Variants in TTC39A observed in about 807,000 individuals in gnomAD.
TTC39A encodes the protein tetratricopeptide repeat domain 39A.
A neutral mutation model predicts 82.3 loss-of-function variants in TTC39A; 46 were observed. That is an observed-to-expected ratio of 0.56 (90% CI 0.44 to 0.71). The LOEUF is 0.71. Ranked by LOEUF, TTC39A falls within the 30% of genes least tolerant of loss-of-function variation. TTC39A has a pLI of 0.00. For synonymous variants in TTC39A, 254 were observed against 275.2 expected, an observed-to-expected ratio of 0.92 and a Z score of 0.76; for missense variants, 543 against 712.9, an observed-to-expected ratio of 0.76 and a Z score of 2.71.
chr1:51,315,825 C>A (rs944920231), intron 2 of TTC39A, among the ~76,000 whole-genome samples: 4 of 152,196 alleles, frequency 2.6e-5, no homozygotes, highest in African/African-American at 9.6e-5. Context: ...CCTTCTCATC[C>A]AGTCCATCTC....
At chr1:51,303,062 C>G in intron 9 of TTC39A, 22 bp downstream of exon 9, 2 of 1,564,346 alleles carry the variant, frequency 1.3e-6, no homozygotes, top group Non-Finnish European at 1.7e-6. Flanking sequence ...CCCCAGGGCC[C>G]CAGGTCCCCC....
upstream of TTC39A, chr1:51,330,830 G>C: frequency 4.3e-6 from 2 of 462,278 alleles, no homozygotes; most frequent in South Asian, 2.6e-5. This position sits in a 1 kb window ranked among gnomAD's most constrained non-coding sequence, Gnocchi z 4.5. Flanking sequence ...GTTCTTCTCC[G>C]GGACCTGAGG....
intron 4 of TTC39A, among the ~76,000 whole-genome samples, chr1:51,311,689 C>G (rs1158453245): frequency 6.6e-6 from 1 of 152,206 alleles, no homozygotes; most frequent in African/African-American, 2.4e-5. Context: ...GCACAAAGAC[C>G]TAGATGGACC....
chr1:51,294,322 C>T lies in TTC39A; in HGVS notation c.1266+69G>A. On this transcript the variant is annotated intron_variant, in intron 14 of 17. Coordinates refer to ENST00000680483, the MANE Select transcript of TTC39A (RefSeq NM_001297663.2). This position sits in a 1 kb window ranked among gnomAD's most constrained non-coding sequence, Gnocchi z 4.3. Reference sequence around the variant, plus strand: ...TTTCTCCTCATCCACCTCCCCCTGGCTGTGGCTCTCAGTGAATCCCCACAA... The same window carrying T: ...TTTCTCCTCATCCACCTCCCCCTGGTTGTGGCTCTCAGTGAATCCCCACAA... The T allele has an allele frequency of 2.5e-6, 4 of 1,604,158 alleles. No homozygotes were observed. Among genetic ancestry groups the T allele is most frequent in the Non-Finnish European group, 3.4e-6 (4 of 1,173,102 alleles).
At chr1:51,303,230 G>A in intron 8 of TTC39A, 38 bp from the exon 9 acceptor site, 2 of 1,522,338 alleles carry the variant, frequency 1.3e-6, no homozygotes, top group South Asian at 1.2e-5. Flanking sequence ...TCCCAGAGAG[G>A]GCAGGGGCCT....
At chr1:51,300,278 GT>G (rs928516782) in intron 12 of TTC39A, 2 of 152,348 alleles carry the variant, frequency 1.3e-5, no homozygotes, top group African/African-American at 4.8e-5. Flanking sequence ...TGAGAGCTCA[GT>G]AGAAGCCTGC....
At chr1:51,297,151 G>A (rs968742797) in intron 12 of TTC39A, 2 of 152,072 alleles carry the variant, frequency 1.3e-5, no homozygotes, top group Non-Finnish European at 2.9e-5. Context: ...CAACATGAGG[G>A]AAAGCTGGTC....
At chr1:51,306,877 G>C (rs547205843) in intron 6 of TTC39A, among the ~76,000 whole-genome samples, 1 of 56,930 alleles carries the variant, frequency 1.8e-5, no homozygotes, top group Admixed American at 2.4e-4. Flanking sequence ...CCCCCCGATT[G>C]AGTCACTATG....
chr1:51,322,186 G>C, intron 1 of TTC39A: 15 of 1,516,148 alleles, frequency 9.9e-6, no homozygotes, highest in Non-Finnish European at 1.3e-5. Flanking sequence ...CCCCCAGGGG[G>C]TGCAGCCCAG....
chr1:51,341,868 C>T (rs1377013303), intron 1 of TTC39A, among the ~76,000 whole-genome samples: 1 of 152,206 alleles, frequency 6.6e-6, no homozygotes, highest in East Asian at 1.9e-4. Flanking sequence ...CCCAAGGATT[C>T]CTGCCACCAA....
At chr1:51,302,843 C>T (rs549759188) in intron 9 of TTC39A, among the ~76,000 whole-genome samples, 1 of 152,336 alleles carries the variant, frequency 6.6e-6, no homozygotes, top group East Asian at 1.9e-4. Flanking sequence ...TTCACACCCT[C>T]TACAGGGTGG....
In TTC39A at chr1:51,289,989, C is replaced by G; in HGVS notation, c.1493+16G>C. On this transcript the variant is annotated intron_variant, in intron 16 of 17. Transcript: ENST00000680483. The stretch of plus-strand genomic sequence containing the variant: ...GGAGACTCAGACCCAGAAGGAGCAG[C>G]TGCAGAGGCACTTACTTGGCAGAGA... 3 of 1,605,946 alleles carry G rather than the reference C, an allele frequency of 1.9e-6. No homozygotes were observed. Among genetic ancestry groups the G allele is most frequent in the Non-Finnish European group, 2.6e-6 (3 of 1,174,870 alleles).
At chr1:51,336,455 G>C (rs1325592996) in intron 1 of TTC39A, among the ~76,000 whole-genome samples, 5 of 152,080 alleles carry the variant, frequency 3.3e-5, no homozygotes, top group Non-Finnish European at 5.9e-5. Context: ...TAGGATCTGG[G>C]CTCTTCTACC....
At position 51,294,079 on chromosome 1, in the gene TTC39A, G is replaced by A. The variant is rs955064097; in HGVS notation, c.1266+312C>T. Among the ~76,000 whole-genome samples, 1 of 152,216 alleles carries A rather than the reference G, an allele frequency of 6.6e-6. No individual in the cohort carries two copies. Among genetic ancestry groups the A allele is most frequent in the African/African-American group, 2.4e-5 (1 of 41,464 alleles). ...TTATAATCATTGTGACAAGACTGGA[G>A]CAGACAGGCTGGGATCACTGGCAGC... On this transcript the variant is annotated intron_variant, in intron 14 of 17. Coordinates refer to ENST00000680483, the MANE Select transcript of TTC39A (RefSeq NM_001297663.2). The surrounding 1 kb of genome is among the most constrained non-coding windows in gnomAD (Gnocchi z 4.3).
intron 8 of TTC39A, 83 bp downstream of exon 8, chr1:51,304,998 G>T: frequency 6.8e-7 from 1 of 1,474,074 alleles, no homozygotes; most frequent in Non-Finnish European, 9.5e-7. Flanking sequence ...CCTAGGCCCT[G>T]TGGCCTGTCA....
chr1:51,325,884 T>C (rs1273974273), intron 1 of TTC39A: 1 of 152,262 alleles, frequency 6.6e-6, no homozygotes, highest in East Asian at 1.9e-4. Flanking sequence ...GGACAGTCAG[T>C]GCAGACAGGC....
intron 1 of TTC39A, among the ~76,000 whole-genome samples, chr1:51,340,405 C>T (rs1336764496): frequency 6.6e-6 from 1 of 152,160 alleles, no homozygotes; most frequent in Non-Finnish European, 1.5e-5. Context: ...AGCAGGGGGA[C>T]TCAGAGGAAT....
chr1:51,334,367 G>T (rs1157632076), upstream of TTC39A, among the ~76,000 whole-genome samples: 6 of 152,246 alleles, frequency 3.9e-5, no homozygotes, highest in Middle Eastern at 3.4e-3. Context: ...GCCAGGTGTG[G>T]TGGTGCATGC....
intron 11 of TTC39A, 189 bp downstream of exon 11, chr1:51,302,168 C>T (rs1341713921): frequency 2.6e-6 from 2 of 776,586 alleles, no homozygotes; most frequent in African/African-American, 1.7e-5. Flanking sequence ...ATGCCTCCTC[C>T]TCCCTTGTCT....
Sources: allele counts gnomAD v4.1 joint callset (sites outside exome capture counted in the v4.1 genomes callset), GRCh38; gene constraint gnomAD v4.1.1; non-coding constraint Gnocchi (gnomAD v3.1); transcripts MANE v1.5; gene names NCBI Gene and HGNC (gene_info 2026-07-23, HGNC 2026-07-21).